SLC1A7: variants seen among roughly 807,000 people sequenced by gnomAD.
The protein encoded by SLC1A7 is solute carrier family 1 member 7.
SLC1A7 carries 40 observed loss-of-function variants against 47.7 expected under a neutral mutation model. The observed-to-expected ratio is 0.84, with a 90% confidence interval of 0.65 to 1.09. The LOEUF is 1.09. SLC1A7 is among the 50% of genes least tolerant of loss of function. SLC1A7 has a pLI of 0.00. For synonymous variants in SLC1A7, 323 were observed against 325.6 expected, an observed-to-expected ratio of 0.99 and a Z score of 0.09; for missense variants, 746 against 769.5, an observed-to-expected ratio of 0.97 and a Z score of 0.36.
intron 2 of SLC1A7, among the ~76,000 whole-genome samples, chr1:53,116,747 G>A (rs7556017): frequency 0.044 from 6,757 of 152,304 alleles, 476 homozygotes; most frequent in African/African-American, 0.15. Context: ...CCGAGAGCAG[G>A]CCCTGCCTGA....
intron 3 of SLC1A7, among the ~76,000 whole-genome samples, chr1:53,110,765 A>G (rs542207207): frequency 7.0e-4 from 107 of 152,074 alleles, no homozygotes; most frequent in Non-Finnish European, 1.1e-3. Flanking sequence ...TCACTCTCCT[A>G]GTTCTCCTCC....
Position 53,127,583 on chromosome 1 carries a change from G to A in SLC1A7, c.215+6767C>T, listed in dbSNP as rs189640727. ...CTCCTCCCGCAGTGTGGCAGTGCCT[G>A]TGACTTCTATGAGAACACAACAAGG... On this transcript the variant is annotated intron_variant, in intron 2 of 10. Coordinates refer to ENST00000371494, the MANE Select transcript of SLC1A7 (RefSeq NM_006671.6). Among the ~76,000 whole-genome samples, 291 of 152,332 alleles carry A rather than the reference G, an allele frequency of 1.9e-3. 1 individual carries two copies. The highest frequency in any genetic ancestry group is 6.4e-3 in the African/African-American group (268 of 41,582).
chr1:53,119,777 A>T (rs1644799862), intron 2 of SLC1A7, among the ~76,000 whole-genome samples: 1 of 152,194 alleles, frequency 6.6e-6, no homozygotes, highest in South Asian at 2.1e-4. Flanking sequence ...GGAGGCATCC[A>T]GGTGGATCCT....
intron 2 of SLC1A7, 138 bp from the exon 3 acceptor site, chr1:53,115,111 C>A: frequency 1.5e-6 from 1 of 670,122 alleles, no homozygotes; most frequent in Non-Finnish European, 2.6e-6. Context: ...ACAATCCAGT[C>A]CTGTGCTCCT....
In SLC1A7 at chr1:53,114,491, G is replaced by A. The variant is rs1224241162; in HGVS notation, c.431+267C>T. On this transcript the variant is annotated intron_variant, in intron 3 of 10. Coordinates refer to ENST00000371494, the MANE Select transcript of SLC1A7 (RefSeq NM_006671.6). ...AGCCAGCCTCCCACCCTACAGGCTGGGCATCAGCAAATGCTCACAGATGTC... is the reference window on the plus strand; with the variant it reads ...AGCCAGCCTCCCACCCTACAGGCTGAGCATCAGCAAATGCTCACAGATGTC... The A allele has an allele frequency of 3.8e-5, 18 of 476,342 alleles. 1 individual carries two copies. The highest frequency in any genetic ancestry group is 6.4e-5 in the Non-Finnish European group (17 of 266,950). The allele number at this position is 476,342 out of a possible 1,614,324, so 29.5% of individuals were successfully genotyped here. A position where few individuals can be genotyped will look rare whatever the true frequency, so the allele number is the denominator to read the frequency against.
At chr1:53,098,760 ACT>A (rs1265928914) in intron 5 of SLC1A7, among the ~76,000 whole-genome samples, 3 of 148,132 alleles carry the variant, frequency 2.0e-5, no homozygotes, top group African/African-American at 7.5e-5. Context: ...GCCTCAGTAC[ACT>A]CACACAACTT....
chr1:53,130,952 G>A (rs900697573), intron 2 of SLC1A7, among the ~76,000 whole-genome samples: 6 of 152,168 alleles, frequency 3.9e-5, no homozygotes, highest in African/African-American at 7.2e-5. Context: ...GTTCAGGAAC[G>A]AGGGGTTTTA....
intron 1 of SLC1A7, 61 bp downstream of exon 1, chr1:53,142,254 G>T: frequency 6.6e-7 from 1 of 1,516,794 alleles, no homozygotes; most frequent in African/African-American, 1.4e-5. Flanking sequence ...CGGGACCCCA[G>T]ATCCCTCAGG....
intron 3 of SLC1A7, among the ~76,000 whole-genome samples, chr1:53,107,180 G>T (rs1331116900): frequency 1.7e-5 from 2 of 117,874 alleles, no homozygotes; most frequent in East Asian, 2.6e-4. Context: ...AAAAAAAAAA[G>T]GCAAAGAAAC....
At chr1:53,097,556 A>C (rs1644511881) in intron 5 of SLC1A7, among the ~76,000 whole-genome samples, 1 of 150,812 alleles carries the variant, frequency 6.6e-6, no homozygotes, top group South Asian at 2.1e-4. Context: ...GCCTTGGTAC[A>C]ATCACACACA....
chr1:53,125,255 C>A (rs1192978059), intron 2 of SLC1A7, among the ~76,000 whole-genome samples: 1 of 152,230 alleles, frequency 6.6e-6, no homozygotes. Context: ...CAAGGCGTCT[C>A]TGTTCCTGGG....
Position 53,090,469 on chromosome 1 carries a change from G to T in SLC1A7, c.1226+143C>A, listed in dbSNP as rs868602084. ...CCCTCCCGGGCTGTCCTCCAGGCTC[G>T]GAGCTCCCAGCCCTGGCCCTCTGCC... On this transcript the variant is annotated intron_variant, in intron 8 of 10. Coordinates refer to ENST00000371494, the MANE Select transcript of SLC1A7 (RefSeq NM_006671.6). The T allele has an allele frequency of 4.8e-5, 63 of 1,309,642 alleles. No homozygotes were observed. In the South Asian group the frequency reaches 9.2e-4, roughly 19 times the overall value. The allele number at this position is 1,309,642 out of a possible 1,614,324, so 81.1% of individuals were successfully genotyped here.
intron 3 of SLC1A7, chr1:53,114,496 C>G: frequency 2.1e-6 from 1 of 482,206 alleles, no homozygotes; most frequent in Non-Finnish European, 3.7e-6. Flanking sequence ...GGCTGGGCAT[C>G]AGCAAATGCT....
chr1:53,123,077 G>C (rs1388555934), intron 2 of SLC1A7, among the ~76,000 whole-genome samples: 1 of 152,140 alleles, frequency 6.6e-6, no homozygotes. Flanking sequence ...TGGATCAAAA[G>C]CAGAAGCTGG....
rs192139972 is a variant in SLC1A7 at position 53,105,518 on chromosome 1, A to G, written c.474+214T>C. 8.9e-4 allele frequency among the ~76,000 whole-genome samples: 136 copies of G among 152,262 alleles called. 3 individuals are homozygous for G. The East Asian group carries it at 0.025, about 27-fold the overall frequency. ...CTTCTCTCCACCCCCACACTTTTTC[A>G]TCATGAAAACTGGAACCCAGGACAG... On this transcript the variant is annotated intron_variant, in intron 4 of 10. Coordinates refer to ENST00000371494, the MANE Select transcript of SLC1A7 (RefSeq NM_006671.6).
intron 2 of SLC1A7, among the ~76,000 whole-genome samples, chr1:53,125,678 G>T (rs1186506144): frequency 6.6e-6 from 1 of 152,192 alleles, no homozygotes; most frequent in Non-Finnish European, 1.5e-5. Flanking sequence ...ACTTCGGGGG[G>T]ACCTAGGGGT....
chr1:53,103,134 G>T, intron 5 of SLC1A7: 1 of 491,542 alleles, frequency 2.0e-6, no homozygotes, highest in Non-Finnish European at 3.6e-6. Flanking sequence ...TGGCCCAGAC[G>T]GGCCTGAGGG....
At chr1:53,102,356 C>CTG (rs1644593164) in intron 5 of SLC1A7, 1 of 152,354 alleles carries the variant, frequency 6.6e-6, no homozygotes, top group South Asian at 2.1e-4. Flanking sequence ...CTGGTCATGG[C>CTG]TGTGCAGACA....
chr1:53,103,991 A>G (rs970464091), intron 4 of SLC1A7, among the ~76,000 whole-genome samples: 2 of 152,118 alleles, frequency 1.3e-5, no homozygotes, highest in African/African-American at 4.8e-5. Context: ...TTTTTGAAGA[A>G]GCATAGCCTG....
Sources: gnomAD v4.1 joint callset for allele counts (sites outside exome capture counted in the v4.1 genomes callset) on GRCh38, gnomAD v4.1.1 for gene constraint, MANE v1.5 for transcripts, NCBI Gene and HGNC (gene_info 2026-07-23, HGNC 2026-07-21) for gene names.